HIP1: variants seen among roughly 807,000 people sequenced by gnomAD.
HIP1 encodes the protein huntingtin-interacting protein 1.
HIP1 carries 65 observed loss-of-function variants against 147.6 expected under a neutral mutation model. That is an observed-to-expected ratio of 0.44 (90% CI 0.36 to 0.54). The LOEUF is 0.54. Ranked by LOEUF, HIP1 falls within the 20% of genes least tolerant of loss-of-function variation. The pLI is 0.00. For synonymous variants in HIP1, 479 were observed against 504.0 expected, an observed-to-expected ratio of 0.95 and a Z score of 0.67; for missense variants, 1,061 against 1,299.6, an observed-to-expected ratio of 0.82 and a Z score of 2.82.
intron 1 of HIP1, among the ~76,000 whole-genome samples, chr7:75,659,210 C>T (rs1474944982): frequency 6.6e-6 from 1 of 152,202 alleles, no homozygotes; most frequent in African/African-American, 2.4e-5. Context: ...TGGCCTTGGG[C>T]TCACTAGGTG....
At chr7:75,591,418 C>A (rs587597260) in intron 4 of HIP1, among the ~76,000 whole-genome samples, 61 of 152,234 alleles carry the variant, frequency 4.0e-4, no homozygotes, top group Non-Finnish European at 7.1e-4. Flanking sequence ...GGTGTGTGTA[C>A]AGAAATGCTC....
chr7:75,605,692 C>A (rs1472475710), intron 1 of HIP1, among the ~76,000 whole-genome samples: 3 of 152,148 alleles, frequency 2.0e-5, no homozygotes, highest in East Asian at 1.9e-4. Flanking sequence ...CACATTACCA[C>A]GCCTGGCTAA....
In HIP1 at chr7:75,535,858, C is replaced by T. The variant is rs1402814015; in HGVS notation, c.*2314G>A. 2 of 171,292 alleles carry T rather than the reference C, an allele frequency of 1.2e-5. No homozygotes were observed. Among genetic ancestry groups the T allele is most frequent in the Non-Finnish European group, 1.3e-5 (1 of 79,064 alleles). The allele number at this position is 171,292 out of a possible 1,614,324, so 10.6% of individuals were successfully genotyped here. On this transcript the variant is annotated 3_prime_UTR_variant, in exon 31 of 31. Transcript: ENST00000336926. The stretch of plus-strand genomic sequence containing the variant: ...TCCTGAGTAGCTGGGATTACGGGCA[C>T]CCGTCACTACGCTCGGCTAATTTTT...
chr7:75,719,925 G>T (rs1165165536), intron 1 of HIP1, among the ~76,000 whole-genome samples: 3 of 152,242 alleles, frequency 2.0e-5, no homozygotes, highest in African/African-American at 4.8e-5. Flanking sequence ...ATTACTTGTG[G>T]CATGGACCCT....
chr7:75,726,748 G>T (rs1259387530), intron 1 of HIP1, among the ~76,000 whole-genome samples: 2 of 144,820 alleles, frequency 1.4e-5, no homozygotes, highest in Non-Finnish European at 3.0e-5. Context: ...CTGTCCACCA[G>T]GCTGGAGTGC....
intron 30 of HIP1, among the ~76,000 whole-genome samples, chr7:75,538,859 C>A (rs1303290708): frequency 6.6e-6 from 1 of 152,092 alleles, no homozygotes; most frequent in Non-Finnish European, 1.5e-5. Context: ...TAGGCGTGAG[C>A]CACCACGCCC....
intron 1 of HIP1, among the ~76,000 whole-genome samples, chr7:75,690,270 TCACACACA>T (rs66973060): frequency 3.3e-5 from 5 of 149,528 alleles, no homozygotes; most frequent in African/African-American, 4.9e-5. Flanking sequence ...TGAGACTTTG[TCACACACA>T]CACACACACA....
chr7:75,691,660 C>T (rs1206857123), intron 1 of HIP1, among the ~76,000 whole-genome samples: 1 of 151,124 alleles, frequency 6.6e-6, no homozygotes, highest in Non-Finnish European at 1.5e-5. Context: ...ATTAGCCGGG[C>T]ACCTGTAATC....
chr7:75,664,315 T>C (rs1271734424), intron 1 of HIP1, among the ~76,000 whole-genome samples: 2 of 145,682 alleles, frequency 1.4e-5, no homozygotes, highest in African/African-American at 5.0e-5. Context: ...TATGTATATG[T>C]ATACATACAC....
chr7:75,668,468 G>A (rs1487094458), intron 1 of HIP1, among the ~76,000 whole-genome samples: 5 of 152,164 alleles, frequency 3.3e-5, no homozygotes, highest in African/African-American at 7.2e-5. Context: ...GGGTTTACAG[G>A]TGGCCGCCAG....
At chr7:75,734,245 CAAATAAATAAATAAATAAATAAAT>C (rs57376870) in intron 1 of HIP1, among the ~76,000 whole-genome samples, 2 of 140,230 alleles carry the variant, frequency 1.4e-5, no homozygotes, top group Admixed American at 1.4e-4. Context: ...GACTCTGTCT[CAAATAAATAAATAAATAAATAAAT>C]AAATAAATAA....
chr7:75,681,101 C>G (rs1800049349), intron 1 of HIP1, among the ~76,000 whole-genome samples: 3 of 151,986 alleles, frequency 2.0e-5, no homozygotes, highest in Non-Finnish European at 4.4e-5. Context: ...TTAGTAGAGA[C>G]AGGGCTTCAC....
rs375428510 is a variant in HIP1 at position 75,546,984 on chromosome 7, G to T, written c.2514C>A (p.Ile838=). The change falls in exon 25 of 31, where the codon ATC becomes ATA. Residue 838 remains isoleucine (I), a synonymous_variant. Transcript: ENST00000336926. ...CTCTCTGGAGGTCCTTAGAGGCCAC[G>T]ATGAGCACCTGAATAGCTTGCATGA... is the stretch of plus-strand genomic sequence containing the variant. ...TSLMQAIQVL[I]VASKDLQREI... 2.5e-6 allele frequency: 4 copies of T among 1,587,590 alleles called. No homozygotes were observed. Among genetic ancestry groups the T allele is most frequent in the Non-Finnish European group, 3.4e-6 (4 of 1,166,042 alleles).
At chr7:75,646,535 A>G (rs1798809549) in intron 1 of HIP1, among the ~76,000 whole-genome samples, 2 of 152,208 alleles carry the variant, frequency 1.3e-5, no homozygotes, top group African/African-American at 4.8e-5. Flanking sequence ...AGCTTCACCA[A>G]TGTGGACACT....
At chr7:75,690,130 C>T (rs1270903558) in intron 1 of HIP1, among the ~76,000 whole-genome samples, 1 of 152,056 alleles carries the variant, frequency 6.6e-6, no homozygotes, top group Non-Finnish European at 1.5e-5. Flanking sequence ...TAAAAATTAG[C>T]TGGGCTTGGC....
intron 29 of HIP1, among the ~76,000 whole-genome samples, chr7:75,541,675 G>T (rs1376266886): frequency 3.3e-5 from 5 of 150,472 alleles, no homozygotes; most frequent in Non-Finnish European, 1.5e-5. Context: ...CAGTCTGGGC[G>T]ACAGGACGAG....
chr7:75,677,073 T>C (rs1156490836), intron 1 of HIP1, among the ~76,000 whole-genome samples: 2 of 151,194 alleles, frequency 1.3e-5, no homozygotes, highest in Non-Finnish European at 2.9e-5. Flanking sequence ...TGCATGCCTG[T>C]AATCCTAGCT....
chr7:75,704,148 G>A (rs566790052), intron 1 of HIP1, among the ~76,000 whole-genome samples: 7 of 152,296 alleles, frequency 4.6e-5, no homozygotes, highest in African/African-American at 1.7e-4. Flanking sequence ...CTCCACCAAA[G>A]ATGATCTCAC....
intron 1 of HIP1, among the ~76,000 whole-genome samples, chr7:75,724,167 G>C (rs1801585366): frequency 1.3e-5 from 2 of 151,994 alleles, no homozygotes; most frequent in African/African-American, 4.8e-5. Flanking sequence ...ATGTTGGCCA[G>C]GCTGGTCTCG....
Sources: gnomAD v4.1 joint callset for allele counts (sites outside exome capture counted in the v4.1 genomes callset) on GRCh38, gnomAD v4.1.1 for gene constraint, MANE v1.5 for transcripts, NCBI Gene and HGNC (gene_info 2026-07-23, HGNC 2026-07-21) for gene names.